Variants in TM9SF3 observed in about 807,000 individuals in gnomAD.
The protein encoded by TM9SF3 is transmembrane 9 superfamily member 3, also known as SM-11044-binding protein.
Under a neutral mutation model 78.6 loss-of-function variants are expected in TM9SF3, and 14 were observed. The ratio of observed to expected loss-of-function variants is 0.18; its 90% CI spans 0.12 to 0.28. TM9SF3 has a LOEUF of 0.28. Ranked by LOEUF, TM9SF3 falls within the 10% of genes least tolerant of loss-of-function variation. TM9SF3 has a pLI of 1.00. For missense variants in TM9SF3, 496 were observed against 721.9 expected (o/e 0.69, Z 3.59); for synonymous variants, 231 against 241.7 (o/e 0.96, Z 0.41).
chr10:96,532,953 C>T, intron 10 of TM9SF3, 98 bp downstream of exon 10: 1 of 1,417,444 alleles, frequency 7.1e-7, no homozygotes, highest in Non-Finnish European at 9.6e-7. Context: ...TTGTCATTAT[C>T]ATAAATACAT....
At chr10:96,585,068 C>T (rs1848613621) in intron 1 of TM9SF3, among the ~76,000 whole-genome samples, 1 of 152,182 alleles carries the variant, frequency 6.6e-6, no homozygotes, top group South Asian at 2.1e-4. Flanking sequence ...ATTCTAAAGC[C>T]TTTATATACA....
At chr10:96,554,066 C>A (rs1441607383) in intron 5 of TM9SF3, among the ~76,000 whole-genome samples, 1 of 152,106 alleles carries the variant, frequency 6.6e-6, no homozygotes, top group East Asian at 1.9e-4. Context: ...TGCATCCCAA[C>A]CCCTCCACCT....
intron 14 of TM9SF3, 86 bp from the exon 15 acceptor site, chr10:96,522,416 G>C: frequency 9.5e-7 from 1 of 1,051,320 alleles, no homozygotes; most frequent in Non-Finnish European, 1.4e-6. Context: ...CTATGCTCTG[G>C]AAAGTTATTC....
chr10:96,530,630 A>T, intron 10 of TM9SF3, 22 bp from the exon 11 acceptor site: 1 of 1,591,292 alleles, frequency 6.3e-7, no homozygotes, highest in South Asian at 1.1e-5. Flanking sequence ...TAAAATTAAT[A>T]GTAAACTTCT....
At chr10:96,584,165 G>C (rs1488117058) in intron 1 of TM9SF3, among the ~76,000 whole-genome samples, 1 of 152,146 alleles carries the variant, frequency 6.6e-6, no homozygotes, top group Non-Finnish European at 1.5e-5. Flanking sequence ...GCTTCTAAAA[G>C]TTATTGTTTG....
intron 8 of TM9SF3, 142 bp from the exon 9 acceptor site, chr10:96,544,348 A>C: frequency 1.3e-6 from 1 of 746,092 alleles, no homozygotes; most frequent in Non-Finnish European, 2.0e-6. Flanking sequence ...AAAGATTTCC[A>C]AGTACGTATA....
At chr10:96,567,982 GA>G (rs1233872029) in intron 2 of TM9SF3, among the ~76,000 whole-genome samples, 1 of 152,232 alleles carries the variant, frequency 6.6e-6, no homozygotes, top group African/African-American at 2.4e-5. Flanking sequence ...GTGTCTCTCA[GA>G]AGGATTGACA....
chr10:96,586,141 T>C (rs758637358), intron 1 of TM9SF3, among the ~76,000 whole-genome samples: 18 of 152,132 alleles, frequency 1.2e-4, no homozygotes, highest in Non-Finnish European at 2.4e-4. Flanking sequence ...CGCGTGTAGG[T>C]TGGGTGCACT....
At position 96,551,394 on chromosome 10, in the gene TM9SF3, A is replaced by G; in HGVS notation, c.810T>C (p.Asp270=). The part of the protein sequence containing the change: ...EMDDMDRDLG[D]EYGWKQVHGD... Reference sequence around the variant, plus strand: ...CATGCACCTGTTTCCATCCATATTCATCTCCTAGGTCTCTATCCTATATAC... The same window carrying G: ...CATGCACCTGTTTCCATCCATATTCGTCTCCTAGGTCTCTATCCTATATAC... The change falls in exon 7 of 15, where the codon GAT becomes GAC. Residue 270 remains aspartate (D), a synonymous_variant. Coordinates refer to ENST00000371142, the MANE Select transcript of TM9SF3 (RefSeq NM_020123.4). 6.2e-7 allele frequency: 1 copy of G among 1,609,632 alleles called. No individual in the cohort carries two copies. Among genetic ancestry groups the G allele is most frequent in the African/African-American group, 1.3e-5 (1 of 74,876 alleles).
intron 1 of TM9SF3, among the ~76,000 whole-genome samples, chr10:96,580,128 A>G (rs1848545576): frequency 6.6e-6 from 1 of 152,204 alleles, no homozygotes; most frequent in South Asian, 2.1e-4. Flanking sequence ...AAGTGAGAGG[A>G]GGCCAATTCA....
chr10:96,552,929 A>G lies in TM9SF3; in HGVS notation c.791T>C (p.Met264Thr). 1 of 1,544,026 alleles carries G rather than the reference A, an allele frequency of 6.5e-7. No individual in the cohort carries two copies. The highest frequency in any genetic ancestry group is 8.7e-7 in the Non-Finnish European group (1 of 1,153,082). Reference protein sequence around the residue: ...RYSKEEEMDDMDRDLGDEYGW... With the variant: ...RYSKEEEMDDTDRDLGDEYGW... ...AATATAATGTAAATGTTTACTCACC[A>G]TATCATCCATTTCTTCCTCTTTACT... The change falls in exon 6 of 15, where the codon ATG (methionine) becomes ACG (threonine). Residue 264 changes from methionine to threonine, a missense_variant and splice_region_variant. This residue lies in a region of TM9SF3 where 280 missense variants were observed against 422.6 expected (regional missense o/e 0.66). Transcript: ENST00000371142.
intron 5 of TM9SF3, among the ~76,000 whole-genome samples, chr10:96,553,464 T>C (rs893349342): frequency 6.6e-6 from 1 of 152,320 alleles, no homozygotes; most frequent in East Asian, 1.9e-4. Context: ...ATACTTATCT[T>C]GTAAGTGATT....
Position 96,576,849 on chromosome 10 carries a change from C to T in TM9SF3, c.103-20G>A, listed in dbSNP as rs199826846. 5.6e-6 allele frequency: 8 copies of T among 1,416,954 alleles called. No individual in the cohort carries two copies. In the East Asian group the frequency reaches 1.8e-4, roughly 32 times the overall value. The allele number at this position is 1,416,954 out of a possible 1,614,324, so 87.8% of individuals were successfully genotyped here. ...TTGATACTGAAACAAGAAAAGCAAA[C>T]AAGAATTAAAAAAAAAAAACACACT... On this transcript the variant is annotated intron_variant, in intron 1 of 14. Coordinates refer to ENST00000371142, the MANE Select transcript of TM9SF3 (RefSeq NM_020123.4).
At chr10:96,544,266 T>G in intron 8 of TM9SF3, 60 bp from the exon 9 acceptor site, 1 of 1,393,538 alleles carries the variant, frequency 7.2e-7, no homozygotes, top group Non-Finnish European at 9.6e-7. Flanking sequence ...ATTATTTGTT[T>G]GAAATTTTAA....
rs544471520 is a variant in TM9SF3 at position 96,535,997 on chromosome 10, A to G, written c.1186-2807T>C. ...GTGAAGTTCATCAAATGAATGCAAG[A>G]CTGATTAAAGATTAGAAAATTAATA... On this transcript the variant is annotated intron_variant, in intron 9 of 14. Transcript: ENST00000371142. Among the ~76,000 whole-genome samples, 75 of 152,364 alleles carry G rather than the reference A, an allele frequency of 4.9e-4. 1 individual carries two copies. The South Asian group carries it at 0.011, about 22-fold the overall frequency.
chr10:96,580,768 T>C (rs1775576096), intron 1 of TM9SF3, among the ~76,000 whole-genome samples: 1 of 152,212 alleles, frequency 6.6e-6, no homozygotes, highest in Non-Finnish European at 1.5e-5. Flanking sequence ...AAATACATAC[T>C]ATGAGCTAGG....
At chr10:96,531,806 T>C (rs901154564) in intron 10 of TM9SF3, among the ~76,000 whole-genome samples, 6 of 152,166 alleles carry the variant, frequency 3.9e-5, no homozygotes, top group African/African-American at 1.4e-4. Context: ...CCTAGTGACT[T>C]AGAGGAACTT....
chr10:96,565,733 T>G (rs1055588971), intron 2 of TM9SF3, among the ~76,000 whole-genome samples: 20 of 152,144 alleles, frequency 1.3e-4, no homozygotes, highest in Non-Finnish European at 2.8e-4. Flanking sequence ...ATAAATTGAT[T>G]TTAAAAACAA....
intron 6 of TM9SF3, 50 bp downstream of exon 6, chr10:96,552,878 T>G: frequency 2.1e-6 from 3 of 1,433,414 alleles, no homozygotes; most frequent in Non-Finnish European, 2.7e-6. Context: ...ATTTAAAACT[T>G]AACACTCAGT....
Sources: allele counts gnomAD v4.1 joint callset (sites outside exome capture counted in the v4.1 genomes callset), GRCh38; gene constraint gnomAD v4.1.1; regional missense constraint gnomAD v4.1.1; transcripts MANE v1.5; gene names NCBI Gene and HGNC (gene_info 2026-07-23, HGNC 2026-07-21).